B4GALNT3: variants seen among roughly 807,000 people sequenced by gnomAD.
The protein encoded by B4GALNT3 is beta-1,4-N-acetyl-galactosaminyltransferase 3.
A neutral mutation model predicts 120.2 loss-of-function variants in B4GALNT3; 86 were observed. The ratio of observed to expected loss-of-function variants is 0.72; its 90% CI spans 0.60 to 0.86. B4GALNT3 has a LOEUF of 0.86. Among genes scored for constraint, B4GALNT3 ranks in the 40% least tolerant of loss-of-function variants. B4GALNT3 has a pLI of 0.00. For missense variants in B4GALNT3, 1,167 were observed against 1,298.9 expected (o/e 0.90, Z 1.56); for synonymous variants, 518 against 510.4 (o/e 1.01, Z -0.20).
intron 6 of B4GALNT3, among the ~76,000 whole-genome samples, chr12:545,727 G>GGGGAGGAGCGAGGT: frequency 7.1e-6 from 1 of 140,480 alleles, no homozygotes; most frequent in African/African-American, 2.7e-5. Flanking sequence ...AGCGAGGTGT[G>GGGGAGGAGCGAGGT]GGGAGGAGCG....
rs1161681008 is a variant in B4GALNT3 at position 553,802 on chromosome 12, G to A, written c.1879G>A (p.Val627Met). Residue 627 changes from valine (V) to methionine (M), a missense_variant, in exon 14 of 20, where the codon GTG becomes ATG. Coordinates refer to ENST00000266383, the MANE Select transcript of B4GALNT3 (RefSeq NM_173593.4). ...GAGTGAGGTGTTCGAGTACGTACCT[G>A]TGTTTGACCCGGTAGTAAACTGGGA... ...DMSEVFEYVP[V>M]FDPVVNWDQT... 1.2e-6 allele frequency: 2 copies of A among 1,614,134 alleles called. No homozygotes were observed. Among genetic ancestry groups the A allele is most frequent in the Non-Finnish European group, 1.7e-6 (2 of 1,180,042 alleles).
At chr12:506,809 TG>T (rs1458395040) in intron 1 of B4GALNT3, among the ~76,000 whole-genome samples, 1 of 152,162 alleles carries the variant, frequency 6.6e-6, no homozygotes, top group Non-Finnish European at 1.5e-5. Flanking sequence ...GCTAATTTTT[TG>T]TATCTTTAGT....
rs1946965254 is a variant in B4GALNT3 at position 544,419 on chromosome 12, C to T, written c.432C>T (p.Phe144=). ...SIQQLRRNLH[F]PLYPHIRTTL... is the part of the protein sequence containing the mutation. ...AGCAGCTCAGGAGGAACCTGCATTT[C>T]CCACTGTACCCCCATGTGAGTGCCT... The change falls in exon 4 of 20, where the codon TTC becomes TTT. Residue 144 remains phenylalanine (F), a synonymous_variant. Transcript: ENST00000266383. 6.2e-7 allele frequency: 1 copy of T among 1,613,624 alleles called. No individual in the cohort carries two copies. Among genetic ancestry groups the T allele is most frequent in the Non-Finnish European group, 8.5e-7 (1 of 1,179,876 alleles).
chr12:556,556 G>C lies in B4GALNT3; in HGVS notation c.2070G>C (p.Gln690His). 6.2e-7 allele frequency: 1 copy of C among 1,612,150 alleles called. No homozygotes were observed. The highest frequency in any genetic ancestry group is 8.5e-7 in the Non-Finnish European group (1 of 1,178,474). Residue 690 changes from glutamine (Q) to histidine (H), a missense_variant, in exon 15 of 20, where the codon CAG (glutamine) becomes CAC (histidine). Coordinates refer to ENST00000266383, the MANE Select transcript of B4GALNT3 (RefSeq NM_173593.4). ...ACACTTTCTGCCATAGGAGGTACCA[G>C]CTACAGCGCATTGTGAACGTGGAAA... ...KLNQRSRGRYQLQRIVNVEKR... is the reference protein window; with the variant it reads ...KLNQRSRGRYHLQRIVNVEKR...
At chr12:552,706 A>G in intron 13 of B4GALNT3, 178 bp downstream of exon 13, 3 of 618,896 alleles carry the variant, frequency 4.8e-6, no homozygotes, top group Non-Finnish European at 8.6e-6. Flanking sequence ...TTCCATATCC[A>G]GGCACATGTG....
chr12:511,013 C>CTTTTTTTTTTTTTTTTTTTTT (rs762032000), intron 1 of B4GALNT3, among the ~76,000 whole-genome samples: 1 of 43,860 alleles, frequency 2.3e-5, no homozygotes, highest in Non-Finnish European at 4.6e-5. Flanking sequence ...TTTGCCTATT[C>CTTTTTTTTTTTTTTTTTTTTT]TTTTTTTTTT....
At chr12:530,631 C>T (rs150921778) in intron 1 of B4GALNT3, among the ~76,000 whole-genome samples, 38 of 152,268 alleles carry the variant, frequency 2.5e-4, no homozygotes, top group African/African-American at 7.5e-4. Flanking sequence ...TGGCCTTGAG[C>T]GGATGACTTT....
At chr12:532,611 GGC>G (rs1464262296) in intron 1 of B4GALNT3, among the ~76,000 whole-genome samples, 6 of 152,288 alleles carry the variant, frequency 3.9e-5, no homozygotes, top group African/African-American at 1.2e-4. Flanking sequence ...TCTTGCTAAA[GGC>G]AAGGGTGGGA....
intron 1 of B4GALNT3, among the ~76,000 whole-genome samples, chr12:513,777 C>T (rs61153272): frequency 0.033 from 5,072 of 152,276 alleles, 162 homozygotes; most frequent in African/African-American, 0.077. Context: ...TTTGTATAGA[C>T]GCGGTCTCCC....
chr12:551,115 C>A, intron 11 of B4GALNT3, 84 bp downstream of exon 11: 1 of 1,175,792 alleles, frequency 8.5e-7, no homozygotes, highest in Non-Finnish European at 1.2e-6. Context: ...GTGAGGCTGA[C>A]TTTCCCATCT....
chr12:522,207 T>C (rs1459526439), intron 1 of B4GALNT3, among the ~76,000 whole-genome samples: 1 of 152,184 alleles, frequency 6.6e-6, no homozygotes, highest in Non-Finnish European at 1.5e-5. Flanking sequence ...GAGAGATATT[T>C]GCACACTCTT....
intron 2 of B4GALNT3, among the ~76,000 whole-genome samples, chr12:535,734 C>T (rs1199918692): frequency 6.6e-6 from 1 of 152,018 alleles, no homozygotes; most frequent in East Asian, 1.9e-4. Context: ...CTTCTTGAAC[C>T]AATGGTCCCT....
At chr12:478,269 AAAATTAG>A (rs1946203446) in intron 1 of B4GALNT3, among the ~76,000 whole-genome samples, 1 of 106,248 alleles carries the variant, frequency 9.4e-6, no homozygotes, top group Non-Finnish European at 1.9e-5. Flanking sequence ...AAAAAAAAAA[AAAATTAG>A]AGGAGGTAAA....
At chr12:484,799 TAAA>T (rs71045065) in intron 1 of B4GALNT3, among the ~76,000 whole-genome samples, 13 of 144,124 alleles carry the variant, frequency 9.0e-5, no homozygotes, top group South Asian at 6.6e-4. Context: ...GGAGAAAAAT[TAAA>T]AAAAAAAAAA....
intron 13 of B4GALNT3, chr12:552,940 A>C (rs1430439141): frequency 5.5e-6 from 3 of 544,842 alleles, no homozygotes; most frequent in African/African-American, 1.9e-5. Flanking sequence ...CGGGCATGTG[A>C]TGCCGTTTAT....
chr12:538,560 C>CAA (rs771053015), intron 3 of B4GALNT3, among the ~76,000 whole-genome samples: 813 of 63,760 alleles, frequency 0.013, 19 homozygotes, highest in African/African-American at 0.038. Context: ...AACCCCATCT[C>CAA]AAAAAAAAAA....
In B4GALNT3 at chr12:558,561, A is replaced by G. The variant is rs1947187605; in HGVS notation, c.2661A>G (p.Gly887=). ...ACCTCCACATCCACTTCCCAGCTGG[A>G]GTCATCGATGCCATTCGGAAGCACT... The part of the protein sequence containing the change: ...LCDLHIHFPA[G]VIDAIRKHCV... Residue 887 remains glycine, a synonymous_variant, in exon 18 of 20, where the codon GGA becomes GGG. Transcript: ENST00000266383. 1.9e-6 allele frequency: 3 copies of G among 1,613,946 alleles called. No individual in the cohort carries two copies. The highest frequency in any genetic ancestry group is 2.5e-6 in the Non-Finnish European group (3 of 1,179,836).
chr12:555,992 C>T (rs1021948657), intron 14 of B4GALNT3, among the ~76,000 whole-genome samples: 7 of 151,638 alleles, frequency 4.6e-5, no homozygotes, highest in South Asian at 2.1e-4. Flanking sequence ...ACCATATTAG[C>T]CAGGCTGGTC....
intron 1 of B4GALNT3, among the ~76,000 whole-genome samples, chr12:479,571 G>C (rs77916357): frequency 6.6e-6 from 1 of 152,154 alleles, no homozygotes; most frequent in Non-Finnish European, 1.5e-5. Context: ...AAGGACTCTC[G>C]ATAAGGGGGA....
Sources: gnomAD v4.1 joint callset for allele counts (sites outside exome capture counted in the v4.1 genomes callset) on GRCh38, gnomAD v4.1.1 for gene constraint, MANE v1.5 for transcripts, NCBI Gene and HGNC (gene_info 2026-07-23, HGNC 2026-07-21) for gene names.